Variants in SGCD observed in about 807,000 individuals in gnomAD.
The protein encoded by SGCD is sarcoglycan delta.
SGCD carries 18 observed loss-of-function variants against 36.6 expected under a neutral mutation model. The ratio of observed to expected loss-of-function variants is 0.49; its 90% CI spans 0.34 to 0.73. SGCD has a LOEUF of 0.73. SGCD is among the 30% of genes least tolerant of loss of function. SGCD has a pLI of 0.01. For missense variants in SGCD, 387 were observed against 346.7 expected (o/e 1.12, Z -0.92); for synonymous variants, 133 against 130.6 (o/e 1.02, Z -0.12).
the SGCD span, among the ~76,000 whole-genome samples, chr5:155,799,563 T>C: frequency 1.9e-4 from 29 of 151,884 alleles, no homozygotes; most frequent in African/African-American, 7.0e-4. Context: ...AGCTAATTTT[T>C]TTTTTTATTT....
chr5:155,762,639 C>G, the SGCD span, among the ~76,000 whole-genome samples: 2 of 152,174 alleles, frequency 1.3e-5, no homozygotes, highest in African/African-American at 4.8e-5. Flanking sequence ...CATCCAGGAT[C>G]ACCCAGGTAC....
intron 1 of SGCD, among the ~76,000 whole-genome samples, chr5:155,890,652 A>ATAGATAGATAGATAGATAGG (rs1756105689): frequency 1.3e-5 from 2 of 148,724 alleles, no homozygotes; most frequent in Non-Finnish European, 3.0e-5. Flanking sequence ...AGATAGATAG[A>ATAGATAGATAGATAGATAGG]TAGATAGATA....
Position 156,069,998 on chromosome 5 carries a change from C to T in SGCD, c.-281-47880C>T, listed in dbSNP as rs182141156. On this transcript the variant is annotated intron_variant, in intron 1 of 9. Transcript: ENST00000517913. ...TTGATTTTGTATCCTGAGAGTTTACCAAAGTTGCTTATCAGCTTAAGGAGA... is the reference window on the plus strand; with the variant it reads ...TTGATTTTGTATCCTGAGAGTTTACTAAAGTTGCTTATCAGCTTAAGGAGA... 1.9e-3 allele frequency among the ~76,000 whole-genome samples: 288 copies of T among 151,920 alleles called. 3 individuals are homozygous for T. The highest frequency in any genetic ancestry group is 6.8e-3 in the African/African-American group (281 of 41,332).
chr5:155,966,755 CCTCA>C (rs918287193), intron 1 of SGCD, among the ~76,000 whole-genome samples: 1 of 152,070 alleles, frequency 6.6e-6, no homozygotes. Flanking sequence ...AGGGGTAAGT[CCTCA>C]CCCAGAGTTG....
chr5:156,544,392 G>A lies in SGCD; in HGVS notation c.294+35690G>A, dbSNP rs112049501. ...CTGCCAGATTGTGAAATTTGAAAAC[G>A]GCCAAGTCAGAAAATCTGAAATGTG... On this transcript the variant is annotated intron_variant, in intron 4 of 8. Coordinates refer to ENST00000337851, the MANE Select transcript of SGCD (RefSeq NM_000337.6). 1.3e-3 allele frequency among the ~76,000 whole-genome samples: 195 copies of A among 152,172 alleles called. 1 individual carries two copies. The highest frequency in any genetic ancestry group is 6.8e-3 in the Middle Eastern group (2 of 294).
intron 1 of SGCD, among the ~76,000 whole-genome samples, chr5:156,091,546 G>A (rs978175781): frequency 2.0e-5 from 3 of 152,160 alleles, no homozygotes; most frequent in African/African-American, 7.2e-5. Flanking sequence ...TCCTGTCAAG[G>A]TATAGCTTCC....
intron 3 of SGCD, among the ~76,000 whole-genome samples, chr5:156,231,019 G>C (rs999911821): frequency 6.6e-6 from 1 of 152,082 alleles, no homozygotes; most frequent in Non-Finnish European, 1.5e-5. Flanking sequence ...TACAAGGAGG[G>C]TTGTTTCAAA....
chr5:156,246,054 G>T (rs11956406), intron 3 of SGCD, among the ~76,000 whole-genome samples: 4 of 152,088 alleles, frequency 2.6e-5, no homozygotes. Context: ...CATTTAAATG[G>T]TGGCTGCCTT....
At position 156,766,405 on chromosome 5, in the gene SGCD, C is replaced by T. The variant is rs1757588440; in HGVS notation, c.*7015C>T. 1 of 151,850 alleles carries T rather than the reference C, an allele frequency of 6.6e-6. No homozygotes were observed. Among genetic ancestry groups the T allele is most frequent in the South Asian group, 2.1e-4 (1 of 4,794 alleles). 9.4% of individuals were successfully genotyped at this position (151,850 alleles called of 1,614,324 possible). On this transcript the variant is annotated 3_prime_UTR_variant, in exon 9 of 9. Coordinates refer to ENST00000337851, the MANE Select transcript of SGCD (RefSeq NM_000337.6). ...TGGTCCTGTAATGTCTTTGGCCTCA[C>T]ACCTTGGCAGCCATCATTAATGGGC...
At chr5:156,531,875 G>A (rs1286927359) in intron 4 of SGCD, among the ~76,000 whole-genome samples, 1 of 152,168 alleles carries the variant, frequency 6.6e-6, no homozygotes, top group Non-Finnish European at 1.5e-5. Flanking sequence ...TTGGGAGGCT[G>A]AGGTGGGCAG....
chr5:156,488,786 A>G (rs1016620180), intron 3 of SGCD, among the ~76,000 whole-genome samples: 1 of 152,142 alleles, frequency 6.6e-6, no homozygotes, highest in African/African-American at 2.4e-5. Context: ...ACAGAAAACC[A>G]CCAAACTGCA....
chr5:156,490,328 G>T (rs2127848583), intron 3 of SGCD, among the ~76,000 whole-genome samples: 1 of 152,068 alleles, frequency 6.6e-6, no homozygotes, highest in East Asian at 1.9e-4. Flanking sequence ...AAAATAAAGA[G>T]AAAGGAATCC....
chr5:155,928,156 A>G (rs1174064097), intron 1 of SGCD, among the ~76,000 whole-genome samples: 1 of 152,164 alleles, frequency 6.6e-6, no homozygotes, highest in Admixed American at 6.6e-5. Context: ...GAAGGGAGGT[A>G]GCTATTTTTT....
intron 1 of SGCD, among the ~76,000 whole-genome samples, chr5:155,950,123 C>T (rs1757521131): frequency 6.6e-6 from 1 of 152,162 alleles, no homozygotes; most frequent in Non-Finnish European, 1.5e-5. Context: ...GTGTAAGAAA[C>T]ATCTACGAGT....
chr5:156,281,574 G>T (rs985035734), intron 3 of SGCD, among the ~76,000 whole-genome samples: 1 of 152,152 alleles, frequency 6.6e-6, no homozygotes, highest in Non-Finnish European at 1.5e-5. Context: ...GAAGGGATGT[G>T]ATAGTGAACA....
At chr5:156,423,223 T>TATAATATTATATTATAATATAATATA (rs1248418235) in intron 3 of SGCD, among the ~76,000 whole-genome samples, 2 of 4,468 alleles carry the variant, frequency 4.5e-4, no homozygotes, top group African/African-American at 8.9e-4. Flanking sequence ...TATAATATAA[T>TATAATATTATATTATAATATAATATA]ATATTGTATT....
intron 4 of SGCD, among the ~76,000 whole-genome samples, chr5:156,531,905 T>C (rs1757906052): frequency 6.6e-6 from 1 of 152,024 alleles, no homozygotes; most frequent in Non-Finnish European, 1.5e-5. Context: ...GGTTAAGAGT[T>C]CGAGACCAGC....
At chr5:155,791,093 T>G in the SGCD span, among the ~76,000 whole-genome samples, 3 of 152,152 alleles carry the variant, frequency 2.0e-5, no homozygotes, top group Admixed American at 2.0e-4. Flanking sequence ...TTTGAAATCA[T>G]GATGATTAGA....
chr5:156,292,777 G>A (rs1581223325), intron 3 of SGCD, among the ~76,000 whole-genome samples: 1 of 151,908 alleles, frequency 6.6e-6, no homozygotes, highest in Non-Finnish European at 1.5e-5. Context: ...TTTCTCTTTT[G>A]CTGATAGTAG....
Sources: allele counts gnomAD v4.1 joint callset (sites outside exome capture counted in the v4.1 genomes callset), GRCh38; gene constraint gnomAD v4.1.1; transcripts MANE v1.5; gene names NCBI Gene and HGNC (gene_info 2026-07-23, HGNC 2026-07-21).